Variants in CTNNA2 observed in about 807,000 individuals in gnomAD.
CTNNA2 encodes the protein catenin alpha 2, also known as catenin alpha-2.
Under a neutral mutation model 101.0 loss-of-function variants are expected in CTNNA2, and 42 were observed. That is an observed-to-expected ratio of 0.42 (90% CI 0.32 to 0.54). The LOEUF (loss-of-function observed/expected upper bound fraction) is 0.54, where lower values mean the gene tolerates loss of function less well. Ranked by LOEUF, CTNNA2 falls within the 20% of genes least tolerant of loss-of-function variation. CTNNA2 has a pLI of 0.14. For synonymous variants in CTNNA2, 450 were observed against 456.4 expected (o/e 0.99, Z 0.18); for missense variants, 871 against 1,223.1 (o/e 0.71, Z 4.29).
intron 1 of CTNNA2, among the ~76,000 whole-genome samples, chr2:79,630,411 T>C (rs1202662673): frequency 6.6e-6 from 1 of 152,216 alleles, no homozygotes; most frequent in Non-Finnish European, 1.5e-5. Context: ...AAATTAAATA[T>C]TAATAGTCTA....
chr2:80,525,757 G>A (rs1689978691), intron 9 of CTNNA2, among the ~76,000 whole-genome samples: 1 of 152,272 alleles, frequency 6.6e-6, no homozygotes, highest in Non-Finnish European at 1.5e-5. Flanking sequence ...GTAACTTGAA[G>A]TTGAAAAGCT....
chr2:79,961,763 G>A lies in CTNNA2; in HGVS notation c.1056+51966G>A, dbSNP rs538764292. On this transcript the variant is annotated intron_variant, in intron 7 of 18. Coordinates refer to ENST00000402739, the MANE Select transcript of CTNNA2 (RefSeq NM_001282597.3). The stretch of plus-strand genomic sequence containing the variant: ...CGTGAACCCGGGGGGCAGAGCCTGC[G>A]GTGAGCCGAGATCGTGCCACTGCAC... Among the ~76,000 whole-genome samples the A allele has an allele frequency of 2.9e-4, 44 of 151,078 alleles. 2 individuals carry two copies. The highest frequency in any genetic ancestry group is 3.4e-3 in the Middle Eastern group (1 of 292).
intron 8 of CTNNA2, among the ~76,000 whole-genome samples, chr2:80,410,397 G>C (rs931772642): frequency 4.6e-5 from 7 of 152,140 alleles, no homozygotes; most frequent in Non-Finnish European, 1.0e-4. Flanking sequence ...AGCCTTAATT[G>C]GGTAAAATAG....
chr2:79,362,115 C>T (rs1677644715), intron 3 of CTNNA2, among the ~76,000 whole-genome samples: 2 of 152,248 alleles, frequency 1.3e-5, no homozygotes, highest in South Asian at 4.1e-4. Context: ...TTATTCAAGC[C>T]TCTCCAATTA....
At chr2:79,852,758 A>G (rs1680824700) in intron 3 of CTNNA2, among the ~76,000 whole-genome samples, 1 of 151,304 alleles carries the variant, frequency 6.6e-6, no homozygotes, top group African/African-American at 2.4e-5. Context: ...CGCCTAGCTA[A>G]TTTTTGTATT....
intron 1 of CTNNA2, among the ~76,000 whole-genome samples, chr2:79,626,896 C>T (rs1279760294): frequency 6.6e-6 from 1 of 151,734 alleles, no homozygotes; most frequent in East Asian, 1.9e-4. Flanking sequence ...ACAATTTTCC[C>T]GTAATGCTTA....
At chr2:79,274,039 A>G (rs1363509348) in intron 2 of CTNNA2, among the ~76,000 whole-genome samples, 2 of 151,988 alleles carry the variant, frequency 1.3e-5, no homozygotes, top group African/African-American at 4.8e-5. Context: ...AAATATTTTC[A>G]TCTTCTCTCT....
chr2:80,532,345 C>G (rs1456800036), intron 9 of CTNNA2, among the ~76,000 whole-genome samples: 1 of 152,148 alleles, frequency 6.6e-6, no homozygotes, highest in Non-Finnish European at 1.5e-5. Flanking sequence ...CCCTCTAGCT[C>G]CATCCACCCT....
chr2:80,473,394 A>T (rs1042876677), intron 9 of CTNNA2, among the ~76,000 whole-genome samples: 1 of 152,190 alleles, frequency 6.6e-6, no homozygotes, highest in Non-Finnish European at 1.5e-5. Context: ...GCTTTTTCTA[A>T]AATGTCGATT....
At chr2:80,049,957 C>T (rs890599702) in intron 7 of CTNNA2, among the ~76,000 whole-genome samples, 2 of 152,102 alleles carry the variant, frequency 1.3e-5, no homozygotes, top group African/African-American at 2.4e-5. Context: ...TTTTGGCTTG[C>T]GGCCTATAGG....
intron 9 of CTNNA2, among the ~76,000 whole-genome samples, chr2:80,453,812 C>T (rs1435873513): frequency 3.3e-5 from 5 of 152,120 alleles, no homozygotes; most frequent in African/African-American, 1.2e-4. Context: ...TTCTATTCTC[C>T]ACCCCCGTGT....
At chr2:80,339,805 A>G (rs565880267) in intron 7 of CTNNA2, among the ~76,000 whole-genome samples, 1 of 152,348 alleles carries the variant, frequency 6.6e-6, no homozygotes, top group Admixed American at 6.5e-5. Flanking sequence ...AAATCAGACA[A>G]CAGATGACTT....
chr2:80,578,291 A>G (rs1695236246), intron 13 of CTNNA2, among the ~76,000 whole-genome samples: 1 of 152,200 alleles, frequency 6.6e-6, no homozygotes, highest in Admixed American at 6.5e-5. Context: ...GTTTATTGAA[A>G]AAAGCCTTCC....
chr2:79,572,357 A>G (rs932557643), intron 1 of CTNNA2, among the ~76,000 whole-genome samples: 3 of 152,176 alleles, frequency 2.0e-5, no homozygotes, highest in African/African-American at 7.2e-5. Flanking sequence ...TTTGAAAACT[A>G]TAGATGTGGA....
rs540039229 is a variant in CTNNA2 at position 79,199,151 on chromosome 2, G to A, written c.-406+1075G>A. Among the ~76,000 whole-genome samples, 84 of 152,268 alleles carry A rather than the reference G, an allele frequency of 5.5e-4. 1 individual carries two copies. Among genetic ancestry groups the A allele is most frequent in the African/African-American group, 1.9e-3 (81 of 41,556 alleles). On this transcript the variant is annotated intron_variant, in intron 2 of 21. Coordinates refer to the CTNNA2 transcript ENST00000466387. ...GAATCAGAATCAGATAACCAGGAAC[G>A]GAATGCAAAGTTTTCCACTGAAGCA... is the stretch of plus-strand genomic sequence containing the variant.
In CTNNA2 at chr2:79,937,116, T is replaced by C. The variant is rs76516269; in HGVS notation, c.1056+27319T>C. ...AAAACAAATATTCATAAAAATTACA[T>C]AGAGGTTTCTTATTCAATTTCTTGT... On this transcript the variant is annotated intron_variant, in intron 7 of 18. Coordinates refer to ENST00000402739, the MANE Select transcript of CTNNA2 (RefSeq NM_001282597.3). Among the ~76,000 whole-genome samples the C allele has an allele frequency of 1.7e-3, 266 of 152,330 alleles. 3 individuals carry two copies. Among genetic ancestry groups the C allele is most frequent in the African/African-American group, 6.2e-3 (257 of 41,576 alleles).
At chr2:79,201,050 G>A (rs1674027613) in intron 2 of CTNNA2, among the ~76,000 whole-genome samples, 1 of 151,920 alleles carries the variant, frequency 6.6e-6, no homozygotes. Flanking sequence ...GCCTTGTTAT[G>A]TAAATAAAAC....
At position 80,302,728 on chromosome 2, in the gene CTNNA2, C is replaced by G. The variant is rs1676460063; in HGVS notation, c.1057-90483C>G. The G allele has an allele frequency of 6.2e-7, 1 of 1,612,936 alleles. No homozygotes were observed. Among genetic ancestry groups the G allele is most frequent in the Admixed American group, 1.7e-5 (1 of 59,976 alleles). ...GGCCGCTGGTGGGCTCGGCCCCATC[C>G]TCGCACAGGTGGAAGGCGTACACGG... On this transcript the variant is annotated intron_variant, in intron 7 of 18. Transcript: ENST00000402739. The surrounding 1 kb of genome is among the most constrained non-coding windows in gnomAD (Gnocchi z 6.4).
intron 8 of CTNNA2, among the ~76,000 whole-genome samples, chr2:80,395,072 GT>G (rs1677883699): frequency 6.6e-6 from 1 of 152,106 alleles, no homozygotes; most frequent in African/African-American, 2.4e-5. Flanking sequence ...GAATGAAAAA[GT>G]AATTTTTACT....
Sources: allele counts gnomAD v4.1 joint callset (sites outside exome capture counted in the v4.1 genomes callset), GRCh38; gene constraint gnomAD v4.1.1; non-coding constraint Gnocchi (gnomAD v3.1); transcripts MANE v1.5; gene names NCBI Gene and HGNC (gene_info 2026-07-23, HGNC 2026-07-21).